The following PCDHGA6 variants were observed in gnomAD, a reference collection of about 807,000 sequenced individuals.
PCDHGA6 encodes protocadherin gamma-A6.
A neutral mutation model predicts 60.6 loss-of-function variants in PCDHGA6; 41 were observed. The observed-to-expected ratio is 0.68, with a 90% CI of 0.53 to 0.88. The LOEUF is 0.88. Ranked by LOEUF, PCDHGA6 falls within the 40% of genes least tolerant of loss-of-function variation. The pLI, the probability that PCDHGA6 is intolerant of heterozygous loss-of-function variation, is 0.00. For missense variants in PCDHGA6, 1,312 were observed against 1,203.0 expected, an observed-to-expected ratio of 1.09 and a Z score of -1.34; for synonymous variants, 594 against 524.4, an observed-to-expected ratio of 1.13 and a Z score of -1.81.
intron 1 of PCDHGA6, chr5:141,423,880 G>T: frequency 7.8e-7 from 1 of 1,282,292 alleles, no homozygotes; most frequent in Non-Finnish European, 9.9e-7. Flanking sequence ...TTTCAATCTT[G>T]GCATATTTTC....
At chr5:141,449,531 G>A (rs1421489293) in intron 1 of PCDHGA6, among the ~76,000 whole-genome samples, 2 of 149,216 alleles carry the variant, frequency 1.3e-5, no homozygotes, top group Admixed American at 6.7e-5. Flanking sequence ...GGAGGTTGCA[G>A]TGAGCCGAGA....
Position 141,431,755 on chromosome 5 carries a change from AGTCCT to A in PCDHGA6, c.2424+55250_2424+55254del. On this transcript the variant is annotated intron_variant, in intron 1 of 3. Coordinates refer to ENST00000517434, the MANE Select transcript of PCDHGA6 (RefSeq NM_018919.3). This position sits in a 1 kb window ranked among gnomAD's most constrained non-coding sequence, Gnocchi z 4.8. ...ATGCAGGATATTCTGCGCGAGCCAA[AGTCCT>A]GATCACTGTTCTGGACGTGAACGAC... 6.2e-7 allele frequency: 1 copy of A among 1,614,238 alleles called. No individual in the cohort carries two copies. Among genetic ancestry groups the A allele is most frequent in the Non-Finnish European group, 8.5e-7 (1 of 1,180,048 alleles).
intron 1 of PCDHGA6, among the ~76,000 whole-genome samples, chr5:141,380,385 A>G (rs543895642): frequency 3.0e-4 from 46 of 152,380 alleles, no homozygotes; most frequent in Non-Finnish European, 8.8e-5. Context: ...AAAAAAGAAA[A>G]GAGAGAAGAT....
intron 1 of PCDHGA6, among the ~76,000 whole-genome samples, chr5:141,462,559 T>G (rs1035231534): frequency 6.6e-6 from 1 of 152,248 alleles, no homozygotes; most frequent in African/African-American, 2.4e-5. Flanking sequence ...CAGTGTTTAC[T>G]GTATTTGCTA....
intron 1 of PCDHGA6, among the ~76,000 whole-genome samples, chr5:141,456,276 C>T (rs1319517390): frequency 1.3e-5 from 2 of 152,146 alleles, no homozygotes; most frequent in South Asian, 4.1e-4. Flanking sequence ...CTACTTCCTG[C>T]TGAAAAGGGG....
At chr5:141,420,808 G>A (rs539942896) in intron 1 of PCDHGA6, among the ~76,000 whole-genome samples, 2 of 152,288 alleles carry the variant, frequency 1.3e-5, no homozygotes, top group Admixed American at 6.5e-5. Flanking sequence ...AATTAAGCAA[G>A]CCCTTTTAAT....
chr5:141,384,249 C>T (rs886257445), intron 1 of PCDHGA6: 20 of 1,613,790 alleles, frequency 1.2e-5, no homozygotes, highest in Admixed American at 1.7e-5. Flanking sequence ...ATAACCCACC[C>T]ACCTTCCCCC....
intron 1 of PCDHGA6, chr5:141,421,043 C>T (rs1201118615): frequency 5.5e-6 from 3 of 548,238 alleles, no homozygotes; most frequent in African/African-American, 3.9e-5. Flanking sequence ...CCTCCCTCCC[C>T]CGCCTCTACC....
At position 141,487,943 on chromosome 5, in the gene PCDHGA6, A is replaced by C. The variant is rs2099669443; in HGVS notation, c.2425-6864A>C. ...TACAGTGCACAGGGTACAGTGCACCAGGCAGTCACTTGGACAAAGGTGGCT... is the reference window on the plus strand; with the variant it reads ...TACAGTGCACAGGGTACAGTGCACCCGGCAGTCACTTGGACAAAGGTGGCT... On this transcript the variant is annotated intron_variant, in intron 1 of 3. Coordinates refer to ENST00000517434, the MANE Select transcript of PCDHGA6 (RefSeq NM_018919.3). The surrounding 1 kb of genome is among the most constrained non-coding windows in gnomAD (Gnocchi z 5.0). Among the ~76,000 whole-genome samples, 1 of 152,220 alleles carries C rather than the reference A, an allele frequency of 6.6e-6. No homozygotes were observed.
In PCDHGA6 at chr5:141,505,363, T is replaced by C. The variant is rs751635403; in HGVS notation, c.2484-30T>C. 1.6e-5 allele frequency: 26 copies of C among 1,613,242 alleles called. No individual in the cohort carries two copies. In the Middle Eastern group the frequency reaches 9.9e-4, roughly 61 times the overall value. On this transcript the variant is annotated intron_variant, in intron 2 of 3. Transcript: ENST00000517434. ...GGCATGAGCTGTGCCGGCCTGGGAG[T>C]CTGTGCTCACCATCCTACTCTCTCC... is the stretch of plus-strand genomic sequence containing the variant.
chr5:141,416,747 T>A (rs920641906), intron 1 of PCDHGA6: 2 of 152,240 alleles, frequency 1.3e-5, no homozygotes, highest in African/African-American at 4.8e-5. Flanking sequence ...AATAGTGACG[T>A]ATTAGGTAGA....
chr5:141,491,322 C>T lies in PCDHGA6; in HGVS notation c.2425-3485C>T. 6.2e-7 allele frequency: 1 copy of T among 1,614,156 alleles called. No individual in the cohort carries two copies. Among genetic ancestry groups the T allele is most frequent in the East Asian group, 2.2e-5 (1 of 44,860 alleles). On this transcript the variant is annotated intron_variant, in intron 1 of 3. Coordinates refer to ENST00000517434, the MANE Select transcript of PCDHGA6 (RefSeq NM_018919.3). This position sits in a 1 kb window ranked among gnomAD's most constrained non-coding sequence, Gnocchi z 6.9. ...AGCGTTCAGACCTTACCCTTTACCT[C>T]ATTGTGGCTCTAGCGACCGTCAGTC...
intron 1 of PCDHGA6, chr5:141,421,223 C>T: frequency 6.3e-7 from 1 of 1,580,314 alleles, no homozygotes. Context: ...GGCTTAGAGC[C>T]TGCCATGGCG....
Position 141,421,742 on chromosome 5 carries a change from A to G in PCDHGA6, c.2424+45235A>G, listed in dbSNP as rs772984365. The stretch of plus-strand genomic sequence containing the variant: ...GGCGTGAACTCCCTCCAGAGCTACC[A>G]GCTCAGCCCTAATAATTACTTTTCC... On this transcript the variant is annotated intron_variant, in intron 1 of 3. Transcript: ENST00000517434. The G allele has an allele frequency of 4.3e-6, 7 of 1,613,826 alleles. No individual in the cohort carries two copies. The East Asian group carries it at 1.3e-4, about 31-fold the overall frequency.
rs772255343 is a variant in PCDHGA6, at chr5:141,432,272, G to C, written c.2424+55765G>C. On this transcript the variant is annotated intron_variant, in intron 1 of 3. Coordinates refer to ENST00000517434, the MANE Select transcript of PCDHGA6 (RefSeq NM_018919.3). This position sits in a 1 kb window ranked among gnomAD's most constrained non-coding sequence, Gnocchi z 6.0. ...CCAAGGGGCAAGCCTATCGTCCTAC[G>C]TGTCCATCAACTCCGACACTGGGGT... The C allele has an allele frequency of 3.1e-6, 5 of 1,614,210 alleles. No individual in the cohort carries two copies. Among genetic ancestry groups the C allele is most frequent in the Non-Finnish European group, 4.2e-6 (5 of 1,180,042 alleles).
At chr5:141,419,104 C>T (rs756257411) in intron 1 of PCDHGA6, 75 of 1,613,732 alleles carry the variant, frequency 4.6e-5, no homozygotes, top group Non-Finnish European at 5.9e-5. Context: ...GGGAGCAGAC[C>T]CCAGAGTACA....
intron 1 of PCDHGA6, among the ~76,000 whole-genome samples, chr5:141,446,022 T>C (rs2098484874): frequency 1.3e-5 from 2 of 152,198 alleles, no homozygotes; most frequent in Admixed American, 1.3e-4. Flanking sequence ...TATGGCAATA[T>C]TCCTGGTAAG....
In PCDHGA6 at chr5:141,477,854, C is replaced by G; in HGVS notation, c.2425-16953C>G. 3.1e-6 allele frequency: 5 copies of G among 1,614,098 alleles called. No individual in the cohort carries two copies. Among genetic ancestry groups the G allele is most frequent in the Non-Finnish European group, 4.2e-6 (5 of 1,180,004 alleles). ...GCCAGGTGGGAGCTCGGTGGAGATG[C>G]TGCCTCGAGGTACCTCAGCTGGCCA... On this transcript the variant is annotated intron_variant, in intron 1 of 3. Transcript: ENST00000517434. This position sits in a 1 kb window ranked among gnomAD's most constrained non-coding sequence, Gnocchi z 4.9.
intron 1 of PCDHGA6, chr5:141,395,849 C>G (rs1173151406): frequency 6.6e-6 from 1 of 152,094 alleles, no homozygotes; most frequent in African/African-American, 2.4e-5. Flanking sequence ...GGAGATGAGA[C>G]TGGTTACTAA....
Sources: gnomAD v4.1 joint callset for allele counts (sites outside exome capture counted in the v4.1 genomes callset) on GRCh38, gnomAD v4.1.1 for gene constraint, Gnocchi (gnomAD v3.1) non-coding constraint, MANE v1.5 for transcripts, NCBI Gene and HGNC (gene_info 2026-07-23, HGNC 2026-07-21) for gene names.